SLC9A9: variants seen among roughly 807,000 people sequenced by gnomAD.
The protein encoded by SLC9A9 is solute carrier family 9 member A9.
SLC9A9 carries 62 observed loss-of-function variants against 77.8 expected under a neutral mutation model. The ratio of observed to expected loss-of-function variants is 0.80; its 90% CI spans 0.65 to 0.98. The LOEUF is 0.98. SLC9A9 is among the 50% of genes least tolerant of loss of function. The pLI, the probability that SLC9A9 is intolerant of heterozygous loss-of-function variation, is 0.00. For missense variants in SLC9A9, 775 were observed against 774.9 expected, an observed-to-expected ratio of 1.00 and a Z score of 0.00; for synonymous variants, 320 against 283.5, an observed-to-expected ratio of 1.13 and a Z score of -1.29.
intron 13 of SLC9A9, chr3:143,381,530 T>C (rs7624553): frequency 0.39 from 61,302 of 158,608 alleles, 12,005 homozygotes; most frequent in Non-Finnish European, 0.42. Flanking sequence ...AACTAATATA[T>C]GAGGGAAGAA....
At chr3:143,394,581 C>A (rs2108507704) in intron 12 of SLC9A9, among the ~76,000 whole-genome samples, 1 of 152,090 alleles carries the variant, frequency 6.6e-6, no homozygotes, top group African/African-American at 2.4e-5. Context: ...TTATTCAACA[C>A]AGGTTGGAAG....
chr3:143,486,028 G>A (rs2035648653), intron 11 of SLC9A9, among the ~76,000 whole-genome samples: 1 of 152,124 alleles, frequency 6.6e-6, no homozygotes, highest in Non-Finnish European at 1.5e-5. Context: ...AAAGTACCAA[G>A]AGAGAAGGGA....
chr3:143,695,962 G>T (rs1260537924), intron 4 of SLC9A9, among the ~76,000 whole-genome samples: 1 of 151,746 alleles, frequency 6.6e-6, no homozygotes, highest in Non-Finnish European at 1.5e-5. Flanking sequence ...CTTTTGAGAA[G>T]TGTCTGTTCA....
intron 9 of SLC9A9, among the ~76,000 whole-genome samples, chr3:143,530,674 CA>C (rs77309463): frequency 4.1e-5 from 5 of 122,450 alleles, no homozygotes; most frequent in Non-Finnish European, 9.9e-5. Context: ...AACAAACAAA[CA>C]AAAACCAAAA....
chr3:143,817,306 G>A (rs1023992897), intron 2 of SLC9A9, among the ~76,000 whole-genome samples: 50 of 150,370 alleles, frequency 3.3e-4, no homozygotes, highest in African/African-American at 1.1e-3. Flanking sequence ...CCGCCACCGC[G>A]CCCGGCTAAT....
intron 5 of SLC9A9, among the ~76,000 whole-genome samples, chr3:143,680,704 C>T (rs1933060691): frequency 6.6e-6 from 1 of 152,134 alleles, no homozygotes; most frequent in South Asian, 2.1e-4. Context: ...AATAGAGTAA[C>T]ATCAACAAAA....
chr3:143,516,086 T>C (rs2036198157), intron 9 of SLC9A9, among the ~76,000 whole-genome samples: 1 of 152,192 alleles, frequency 6.6e-6, no homozygotes, highest in South Asian at 2.1e-4. Flanking sequence ...GTTTTTTTCT[T>C]CCTTCAGATA....
At chr3:143,787,569 C>T (rs1288435962) in intron 4 of SLC9A9, among the ~76,000 whole-genome samples, 1 of 152,120 alleles carries the variant, frequency 6.6e-6, no homozygotes, top group Non-Finnish European at 1.5e-5. Context: ...TATTACAGGA[C>T]TTGATTTGTT....
At chr3:143,611,175 G>T (rs2038016707) in intron 6 of SLC9A9, among the ~76,000 whole-genome samples, 1 of 152,094 alleles carries the variant, frequency 6.6e-6, no homozygotes, top group Admixed American at 6.5e-5. Flanking sequence ...TTTCAAAATT[G>T]GAACATAAAG....
At chr3:143,682,732 G>C (rs1933141056) in intron 5 of SLC9A9, among the ~76,000 whole-genome samples, 1 of 152,124 alleles carries the variant, frequency 6.6e-6, no homozygotes, top group African/African-American at 2.4e-5. Flanking sequence ...CCAACTTCCA[G>C]AGGCCACCAA....
intron 12 of SLC9A9, among the ~76,000 whole-genome samples, chr3:143,430,010 T>G (rs1330642359): frequency 6.6e-6 from 1 of 152,166 alleles, no homozygotes; most frequent in Non-Finnish European, 1.5e-5. Context: ...AACCAGCCAC[T>G]CTGGTGCCCT....
At chr3:143,346,042 G>A (rs1041172451) in intron 14 of SLC9A9, among the ~76,000 whole-genome samples, 5 of 152,034 alleles carry the variant, frequency 3.3e-5, no homozygotes, top group African/African-American at 1.2e-4. Flanking sequence ...TTAAGCTAAA[G>A]GGAAAAGAGA....
intron 14 of SLC9A9, among the ~76,000 whole-genome samples, chr3:143,341,876 T>C (rs1213190298): frequency 3.3e-5 from 5 of 152,188 alleles, no homozygotes; most frequent in Non-Finnish European, 7.3e-5. Context: ...TACCTAATTT[T>C]GGAGGCTATT....
At chr3:143,666,134 C>T (rs1429339072) in intron 5 of SLC9A9, among the ~76,000 whole-genome samples, 1 of 152,192 alleles carries the variant, frequency 6.6e-6, no homozygotes, top group Non-Finnish European at 1.5e-5. Context: ...AGCTTATCCA[C>T]CACGATCAAG....
At chr3:143,454,972 T>C (rs551588077) in intron 12 of SLC9A9, among the ~76,000 whole-genome samples, 110 of 152,336 alleles carry the variant, frequency 7.2e-4, no homozygotes, top group African/African-American at 2.6e-3. Flanking sequence ...AAAAGGTTCA[T>C]GTGATTAAGT....
At chr3:143,449,127 A>AT (rs1305028722) in intron 12 of SLC9A9, among the ~76,000 whole-genome samples, 2 of 2 alleles carry the variant, frequency 1, 1 homozygote, top group Non-Finnish European at 1. Context: ...ATATAATATG[A>AT]TATATATTAT....
In SLC9A9 at chr3:143,829,329, A is replaced by G. The variant is rs566959329; in HGVS notation, c.378+2690T>C. Among the ~76,000 whole-genome samples, 122 of 152,260 alleles carry G rather than the reference A, an allele frequency of 8.0e-4. 2 individuals carry two copies. The highest frequency in any genetic ancestry group is 2.9e-3 in the African/African-American group (121 of 41,558). On this transcript the variant is annotated intron_variant, in intron 2 of 15. Coordinates refer to ENST00000316549, the MANE Select transcript of SLC9A9 (RefSeq NM_173653.4). ...TTCACACTGTTCCTACAAATCAGGC[A>G]GGCTCTGTTGATCCAAAGCATCCAG...
chr3:143,375,227 T>G (rs1407490786), intron 13 of SLC9A9, among the ~76,000 whole-genome samples: 1 of 152,248 alleles, frequency 6.6e-6, no homozygotes, highest in Non-Finnish European at 1.5e-5. Context: ...TACAGATTAC[T>G]ATAAAGTCCA....
chr3:143,360,188 T>C, intron 14 of SLC9A9, among the ~76,000 whole-genome samples: 1 of 152,212 alleles, frequency 6.6e-6, no homozygotes, highest in East Asian at 1.9e-4. Context: ...ATTTAAGTTA[T>C]CTGGGAATTT....
Sources: gnomAD v4.1 joint callset for allele counts (sites outside exome capture counted in the v4.1 genomes callset) on GRCh38, gnomAD v4.1.1 for gene constraint, MANE v1.5 for transcripts, NCBI Gene and HGNC (gene_info 2026-07-23, HGNC 2026-07-21) for gene names.